CDH18: variants seen among roughly 807,000 people sequenced by gnomAD.
CDH18 encodes cadherin 18, also known as cadherin-18.
A neutral mutation model predicts 67.9 loss-of-function variants in CDH18; 31 were observed. That is an observed-to-expected ratio of 0.46 (90% CI 0.34 to 0.62). CDH18 has a LOEUF of 0.62. CDH18 is among the 20% of genes least tolerant of loss of function. The probability of loss-of-function intolerance (pLI) is 0.01; values close to 1 mark genes in which losing one functional copy is unlikely to be tolerated. For synonymous variants in CDH18, 362 were observed against 347.2 expected (o/e 1.04, Z -0.48); for missense variants, 890 against 975.5 (o/e 0.91, Z 1.17).
At chr5:20,332,147 T>A (rs1188282716) in intron 1 of CDH18, among the ~76,000 whole-genome samples, 1 of 152,210 alleles carries the variant, frequency 6.6e-6, no homozygotes, top group East Asian at 1.9e-4. Flanking sequence ...TTGAACTCGA[T>A]CATTCCTGGA....
At chr5:20,300,774 A>G (rs1242133901) in intron 1 of CDH18, among the ~76,000 whole-genome samples, 2 of 152,328 alleles carry the variant, frequency 1.3e-5, no homozygotes, top group South Asian at 2.1e-4. Flanking sequence ...TCCTAGGTAT[A>G]TGTCATGTGC....
intron 1 of CDH18, among the ~76,000 whole-genome samples, chr5:20,319,214 G>A (rs562905993): frequency 1.5e-3 from 233 of 152,254 alleles, no homozygotes; most frequent in Non-Finnish European, 2.7e-3. Context: ...TGGTCAGATG[G>A]AGTGCAGATA....
intron 2 of CDH18, among the ~76,000 whole-genome samples, chr5:19,936,722 C>CA (rs1794313005): frequency 1.3e-5 from 2 of 150,956 alleles, no homozygotes; most frequent in South Asian, 4.2e-4. Context: ...AAGTTTTAAA[C>CA]AAAATAGCCC....
chr5:19,499,838 C>T (rs933899930), intron 11 of CDH18, among the ~76,000 whole-genome samples: 1 of 151,932 alleles, frequency 6.6e-6, no homozygotes, highest in Non-Finnish European at 1.5e-5. Context: ...TTTCTGTGCC[C>T]TTGCTTTTTG....
intron 12 of CDH18, among the ~76,000 whole-genome samples, chr5:19,475,182 A>T (rs1180580800): frequency 6.7e-6 from 1 of 149,402 alleles, no homozygotes; most frequent in Non-Finnish European, 1.5e-5. Flanking sequence ...TGAATTTGAG[A>T]TCAATAACAG....
chr5:20,201,795 C>T (rs1739467996), intron 2 of CDH18, among the ~76,000 whole-genome samples: 1 of 152,126 alleles, frequency 6.6e-6, no homozygotes, highest in Non-Finnish European at 1.5e-5. Flanking sequence ...CAGAGAAGCA[C>T]ATTCCATAGA....
intron 5 of CDH18, among the ~76,000 whole-genome samples, chr5:19,687,727 T>G (rs1022361543): frequency 6.6e-6 from 1 of 152,132 alleles, no homozygotes; most frequent in Admixed American, 6.5e-5. Flanking sequence ...GCGTGTACTC[T>G]CCACAGCCTC....
intron 2 of CDH18, among the ~76,000 whole-genome samples, chr5:20,166,815 C>T (rs1353780144): frequency 1.3e-5 from 2 of 152,164 alleles, no homozygotes; most frequent in Non-Finnish European, 2.9e-5. Flanking sequence ...CAGACACCCA[C>T]TCCGTTGTCC....
intron 2 of CDH18, among the ~76,000 whole-genome samples, chr5:20,239,882 G>A (rs1187426541): frequency 6.6e-6 from 1 of 151,644 alleles, no homozygotes; most frequent in Non-Finnish European, 1.5e-5. Context: ...ATGCACACAT[G>A]TTATGAGGTA....
intron 2 of CDH18, among the ~76,000 whole-genome samples, chr5:19,962,589 C>T (rs1469903149): frequency 6.6e-6 from 1 of 151,672 alleles, no homozygotes; most frequent in East Asian, 1.9e-4. Flanking sequence ...GCTTGGCCAA[C>T]ATGGTGAAAC....
intron 3 of CDH18, among the ~76,000 whole-genome samples, chr5:19,768,165 T>C (rs2133083): frequency 0.96 from 145,699 of 152,204 alleles, 70,021 homozygotes; most frequent in East Asian, 1. Flanking sequence ...CTCAAGTTTG[T>C]TGTTATTTGT....
chr5:20,275,212 A>G (rs1176949307), intron 1 of CDH18, among the ~76,000 whole-genome samples: 1 of 151,984 alleles, frequency 6.6e-6, no homozygotes, highest in Non-Finnish European at 1.5e-5. Flanking sequence ...GGAGGTGCCT[A>G]ATGGGAGGTG....
chr5:20,120,042 T>C (rs1446924107), intron 2 of CDH18, among the ~76,000 whole-genome samples: 3 of 152,126 alleles, frequency 2.0e-5, no homozygotes, highest in African/African-American at 7.2e-5. Context: ...ATTATCATAC[T>C]GAGGTCATTC....
chr5:20,415,424 G>C (rs901211941), intron 1 of CDH18, among the ~76,000 whole-genome samples: 3 of 151,952 alleles, frequency 2.0e-5, no homozygotes, highest in African/African-American at 7.3e-5. Context: ...ACATACAATG[G>C]AATATCATTC....
chr5:19,847,186 GT>G (rs1277959272), intron 2 of CDH18, among the ~76,000 whole-genome samples: 2 of 152,120 alleles, frequency 1.3e-5, no homozygotes, highest in East Asian at 3.9e-4. Context: ...TGTTTTGGAA[GT>G]TTTCTGCCAT....
intron 5 of CDH18, among the ~76,000 whole-genome samples, chr5:19,634,710 G>T (rs1011311713): frequency 1.3e-5 from 2 of 151,990 alleles, no homozygotes; most frequent in Non-Finnish European, 2.9e-5. Context: ...CCTGAGGGTG[G>T]GTGGATCACC....
chr5:19,885,472 A>G (rs976748874), intron 2 of CDH18, among the ~76,000 whole-genome samples: 1 of 152,226 alleles, frequency 6.6e-6, no homozygotes, highest in Non-Finnish European at 1.5e-5. Context: ...TGTAAAATAC[A>G]TCGGTTAAAA....
chr5:20,328,752 G>C (rs1375535567), intron 1 of CDH18, among the ~76,000 whole-genome samples: 1 of 152,094 alleles, frequency 6.6e-6, no homozygotes, highest in Non-Finnish European at 1.5e-5. Flanking sequence ...CCACCACTTT[G>C]GGAGGCCAAG....
At chr5:20,407,697 C>T (rs1422221546) in intron 1 of CDH18, among the ~76,000 whole-genome samples, 1 of 148,562 alleles carries the variant, frequency 6.7e-6, no homozygotes, top group Middle Eastern at 3.4e-3. Context: ...CTTTGAATAT[C>T]ACAGTCAGAA....
Sources: allele counts gnomAD v4.1 joint callset (sites outside exome capture counted in the v4.1 genomes callset), GRCh38; gene constraint gnomAD v4.1.1; transcripts MANE v1.5; gene names NCBI Gene and HGNC (gene_info 2026-07-23, HGNC 2026-07-21).